Variants in SYCE2 observed in about 807,000 individuals in gnomAD.
The protein encoded by SYCE2 is central element synaptonemal complex 1.
In SYCE2, 3 loss-of-function variants were observed where a neutral mutation model predicts 27.9. The ratio of observed to expected loss-of-function variants is 0.11; its 90% CI spans 0.05 to 0.28. The LOEUF (loss-of-function observed/expected upper bound fraction) is 0.28, where lower values mean the gene tolerates loss of function less well. SYCE2 is among the 10% of genes least tolerant of loss of function. The probability of loss-of-function intolerance (pLI) is 1.00; values close to 1 mark genes in which losing one functional copy is unlikely to be tolerated. For synonymous variants in SYCE2, 85 were observed against 100.7 expected (o/e 0.84, Z 0.93); for missense variants, 207 against 263.5 (o/e 0.79, Z 1.48).
At chr19:12,901,169 A>AAAATAAAT (rs368396066) in intron 3 of SYCE2, among the ~76,000 whole-genome samples, 18,541 of 140,692 alleles carry the variant, frequency 0.13, 1,398 homozygotes, top group Admixed American at 0.17. Context: ...ACTCCATCTC[A>AAAATAAAT]AAATAAATAA....
intron 2 of SYCE2, among the ~76,000 whole-genome samples, chr19:12,911,478 C>T (rs759357472): frequency 5.9e-5 from 9 of 151,922 alleles, no homozygotes; most frequent in African/African-American, 9.7e-5. Flanking sequence ...CTCACTCTGT[C>T]GCCCAGGCTG....
chr19:12,909,465 C>T (rs950318604), intron 2 of SYCE2, among the ~76,000 whole-genome samples: 1 of 152,200 alleles, frequency 6.6e-6, no homozygotes, highest in African/African-American at 2.4e-5. Flanking sequence ...TTCCCAAGCT[C>T]AAAACTTAGC....
chr19:12,901,328 A>G (rs943300887), intron 3 of SYCE2, among the ~76,000 whole-genome samples: 1 of 151,838 alleles, frequency 6.6e-6, no homozygotes, highest in East Asian at 2.0e-4. Flanking sequence ...GTGAACCAAG[A>G]TGATGCCATT....
At chr19:12,913,419 G>A (rs1971081897) in intron 2 of SYCE2, among the ~76,000 whole-genome samples, 1 of 152,216 alleles carries the variant, frequency 6.6e-6, no homozygotes, top group Non-Finnish European at 1.5e-5. Context: ...CAATCCGCCA[G>A]CCACTTATGA....
chr19:12,903,865 T>A (rs1970888421), intron 3 of SYCE2, among the ~76,000 whole-genome samples: 1 of 152,214 alleles, frequency 6.6e-6, no homozygotes, highest in East Asian at 1.9e-4. Flanking sequence ...TCCAAAGTGC[T>A]GGGATTACAG....
chr19:12,910,109 C>T (rs1248210292), intron 2 of SYCE2, among the ~76,000 whole-genome samples: 4 of 152,090 alleles, frequency 2.6e-5, no homozygotes, highest in African/African-American at 4.8e-5. Flanking sequence ...TCGTGATCTA[C>T]CTGCCTCAGC....
At position 12,918,119 on chromosome 19, in the gene SYCE2, GA is replaced by G. The variant is rs943784652; in HGVS notation, c.131+102del. The G allele has an allele frequency of 5.2e-4, 492 of 951,014 alleles. 2 individuals are homozygous for G. The highest frequency in any genetic ancestry group is 2.2e-3 in the African/African-American group (136 of 60,626). The allele number at this position is 951,014 out of a possible 1,614,324, so 58.9% of individuals were successfully genotyped here. ...CAAAGCAAGACGCTGTGTTAGGAGGGAAAAAAAAAGCAGCAGACACTGGCAT... is the reference window on the plus strand; with the variant it reads ...CAAAGCAAGACGCTGTGTTAGGAGGGAAAAAAAAGCAGCAGACACTGGCAT... On this transcript the variant is annotated intron_variant, in intron 2 of 5. Transcript: ENST00000293695.
intron 3 of SYCE2, among the ~76,000 whole-genome samples, chr19:12,904,078 C>G (rs1970891695): frequency 6.6e-6 from 1 of 152,140 alleles, no homozygotes; most frequent in African/African-American, 2.4e-5. Context: ...GTGCCTCAAC[C>G]CCCTACTCCC....
At chr19:12,901,698 C>T (rs568189194) in intron 3 of SYCE2, among the ~76,000 whole-genome samples, 1 of 152,086 alleles carries the variant, frequency 6.6e-6, no homozygotes, top group South Asian at 2.1e-4. Flanking sequence ...TCACTGCAAC[C>T]TCCGCCTCCT....
intron 2 of SYCE2, among the ~76,000 whole-genome samples, chr19:12,911,239 C>G (rs1319207996): frequency 1.3e-5 from 2 of 152,120 alleles, no homozygotes; most frequent in Admixed American, 6.6e-5. Context: ...CCCCAAAGTG[C>G]TGAGATTACA....
At chr19:12,910,343 T>A (rs1030506091) in intron 2 of SYCE2, among the ~76,000 whole-genome samples, 4 of 151,994 alleles carry the variant, frequency 2.6e-5, no homozygotes, top group African/African-American at 9.7e-5. Flanking sequence ...TGTAAAAAAT[T>A]TTGTTATTAT....
At chr19:12,899,845 G>A (rs1970794914) in intron 5 of SYCE2, 159 bp downstream of exon 5, 8 of 1,576,540 alleles carry the variant, frequency 5.1e-6, no homozygotes, top group Non-Finnish European at 6.1e-6. Context: ...AACTCCGTCT[G>A]CTGCAGCTGA....
At chr19:12,913,828 A>G (rs1971088604) in intron 2 of SYCE2, among the ~76,000 whole-genome samples, 1 of 151,958 alleles carries the variant, frequency 6.6e-6, no homozygotes, top group Non-Finnish European at 1.5e-5. Context: ...GACTTCAACC[A>G]TTGCTTCCCT....
At chr19:12,916,709 C>T (rs556033223) in intron 2 of SYCE2, among the ~76,000 whole-genome samples, 19 of 152,332 alleles carry the variant, frequency 1.2e-4, no homozygotes, top group African/African-American at 4.3e-4. Context: ...GGTCCTCCCA[C>T]CTCAGCCTTC....
rs1219295230 is a variant in SYCE2 at position 12,919,270 on chromosome 19, C to T, written c.-13G>A. ...CCTGTCGCTCCATTCCGTATTTTCC[C>T]GCCTTCAAGCTCGCACCCTCTGCGC... On this transcript the variant is annotated 5_prime_UTR_variant, in exon 1 of 6. Coordinates refer to ENST00000293695, the MANE Select transcript of SYCE2 (RefSeq NM_001105578.2). 3.1e-6 allele frequency: 5 copies of T among 1,609,978 alleles called. No homozygotes were observed. Among genetic ancestry groups the T allele is most frequent in the Non-Finnish European group, 4.2e-6 (5 of 1,179,930 alleles).
chr19:12,916,939 G>T (rs1428455048), intron 2 of SYCE2, among the ~76,000 whole-genome samples: 1 of 151,834 alleles, frequency 6.6e-6, no homozygotes, highest in Non-Finnish European at 1.5e-5. Flanking sequence ...TAGTAGAGAC[G>T]GAGTTTCACC....
intron 2 of SYCE2, among the ~76,000 whole-genome samples, chr19:12,911,661 A>G (rs1261115026): frequency 7.5e-6 from 1 of 133,834 alleles, no homozygotes; most frequent in African/African-American, 2.8e-5. Context: ...TCAGCTGCCC[A>G]GGATGGAGTG....
intron 2 of SYCE2, 101 bp from the exon 3 acceptor site, chr19:12,904,767 G>A (rs1455084711): frequency 1.1e-5 from 14 of 1,321,476 alleles, no homozygotes; most frequent in South Asian, 2.7e-5. Context: ...TTTGTAGGCC[G>A]AGGTGGGCGG....
chr19:12,916,912 G>A (rs991560189), intron 2 of SYCE2, among the ~76,000 whole-genome samples: 3 of 151,968 alleles, frequency 2.0e-5, no homozygotes, highest in Admixed American at 6.6e-5. Flanking sequence ...ACCACGCCTG[G>A]CTGATTTTTG....
Sources: gnomAD v4.1 joint callset for allele counts (sites outside exome capture counted in the v4.1 genomes callset) on GRCh38, gnomAD v4.1.1 for gene constraint, MANE v1.5 for transcripts, NCBI Gene and HGNC (gene_info 2026-07-23, HGNC 2026-07-21) for gene names.